The following ZCRB1 variants were observed in gnomAD, a reference collection of about 807,000 sequenced individuals.
ZCRB1 encodes the protein zinc finger CCHC-type and RNA binding motif containing 1, also known as zinc finger CCHC-type and RNA-binding motif-containing protein 1.
Under a neutral mutation model 29.9 loss-of-function variants are expected in ZCRB1, and 21 were observed. The observed-to-expected ratio is 0.70, with a 90% confidence interval of 0.50 to 1.01. ZCRB1 has a LOEUF of 1.01. Ranked by LOEUF, ZCRB1 falls within the 50% of genes least tolerant of loss-of-function variation. The pLI is 0.00. For synonymous variants in ZCRB1, 77 were observed against 80.0 expected (o/e 0.96, Z 0.20); for missense variants, 204 against 253.3 (o/e 0.81, Z 1.32).
chr12:42,319,233 A>C (rs1358533638), intron 3 of ZCRB1, among the ~76,000 whole-genome samples: 1 of 151,988 alleles, frequency 6.6e-6, no homozygotes, highest in East Asian at 1.9e-4. Flanking sequence ...TTTCTTGTCC[A>C]TAGGGGCATT....
At position 42,317,327 on chromosome 12, in the gene ZCRB1, T is replaced by C; in HGVS notation, c.333+13A>G. 1.3e-6 allele frequency: 2 copies of C among 1,574,580 alleles called. No homozygotes were observed. Among genetic ancestry groups the C allele is most frequent in the South Asian group, 2.3e-5 (2 of 85,952 alleles). On this transcript the variant is annotated intron_variant, in intron 5 of 7. Coordinates refer to ENST00000266529, the MANE Select transcript of ZCRB1 (RefSeq NM_033114.4). ...AACTATGGAAAGTTCCATTAAGTTT[T>C]AGGTTTACTTACCCCACATTCATAA...
At chr12:42,324,817 T>A (rs1592107186) in intron 1 of ZCRB1, among the ~76,000 whole-genome samples, 1 of 152,196 alleles carries the variant, frequency 6.6e-6, no homozygotes, top group East Asian at 1.9e-4. Context: ...AAAAAAATGC[T>A]CTATTGAATA....
At chr12:42,320,072 A>C (rs566573529) in intron 3 of ZCRB1, among the ~76,000 whole-genome samples, 35 of 152,272 alleles carry the variant, frequency 2.3e-4, no homozygotes, top group Non-Finnish European at 4.3e-4. Flanking sequence ...TAAAAGGACA[A>C]ATCTACTGTG....
At chr12:42,313,803 A>G in intron 6 of ZCRB1, 38 bp from the exon 7 acceptor site, 1 of 1,612,458 alleles carries the variant, frequency 6.2e-7, no homozygotes, top group South Asian at 1.1e-5. Flanking sequence ...GTAACCAACC[A>G]ATAATCAAAA....
At chr12:42,319,255 A>G (rs978354930) in intron 3 of ZCRB1, among the ~76,000 whole-genome samples, 1 of 152,070 alleles carries the variant, frequency 6.6e-6, no homozygotes, top group Admixed American at 6.5e-5. Flanking sequence ...CTGTTTTAAC[A>G]GTCTATTCTT....
At chr12:42,316,858 C>T (rs2068597079) in intron 5 of ZCRB1, among the ~76,000 whole-genome samples, 1 of 152,180 alleles carries the variant, frequency 6.6e-6, no homozygotes, top group South Asian at 2.1e-4. Flanking sequence ...TTACCCAACT[C>T]AGGTTATCTT....
intron 2 of ZCRB1, chr12:42,323,572 T>A (rs1395807297): frequency 6.5e-6 from 1 of 153,012 alleles, no homozygotes; most frequent in Admixed American, 6.5e-5. Flanking sequence ...CATCTTAGCA[T>A]CTCCTTAGTA....
chr12:42,322,375 T>C, intron 3 of ZCRB1, 43 bp downstream of exon 3: 3 of 1,430,336 alleles, frequency 2.1e-6, no homozygotes, highest in Non-Finnish European at 2.8e-6. Flanking sequence ...CAAATTCAGA[T>C]AAACTTTTAA....
At chr12:42,320,091 G>A (rs2068614272) in intron 3 of ZCRB1, among the ~76,000 whole-genome samples, 1 of 152,120 alleles carries the variant, frequency 6.6e-6, no homozygotes, top group African/African-American at 2.4e-5. Context: ...TGACTCCCAT[G>A]TTTCTGGCAA....
intron 3 of ZCRB1, among the ~76,000 whole-genome samples, chr12:42,318,859 T>C (rs749628896): frequency 1.3e-5 from 2 of 152,046 alleles, no homozygotes; most frequent in African/African-American, 2.4e-5. Flanking sequence ...CAAGGACAAT[T>C]TGAGCATCAA....
At position 42,319,405 on chromosome 12, in the gene ZCRB1, C is replaced by T. The variant is rs74385712; in HGVS notation, c.114-1507G>A. ...TGTAAGTTGCCTATTCTTTGTCCCA[C>T]TGTCAGTATCCTTGATGATTTGGCT... On this transcript the variant is annotated intron_variant, in intron 3 of 7. Coordinates refer to ENST00000266529, the MANE Select transcript of ZCRB1 (RefSeq NM_033114.4). 7.3e-3 allele frequency among the ~76,000 whole-genome samples: 1,109 copies of T among 152,270 alleles called. 12 individuals are homozygous for T. The highest frequency in any genetic ancestry group is 0.025 in the African/African-American group (1,057 of 41,548).
chr12:42,312,345 T>C lies in ZCRB1; in HGVS notation c.*722A>G, dbSNP rs2137525875. On this transcript the variant is annotated 3_prime_UTR_variant, in exon 8 of 8. Transcript: ENST00000266529. ...TACATGGAAAAAAAATAGACAATTATTAACTCTAGGAAAAAACGTAATCAT... is the reference window on the plus strand; with the variant it reads ...TACATGGAAAAAAAATAGACAATTACTAACTCTAGGAAAAAACGTAATCAT... 6.6e-6 allele frequency: 1 copy of C among 152,214 alleles called. No individual in the cohort carries two copies. Among genetic ancestry groups the C allele is most frequent in the Admixed American group, 6.5e-5 (1 of 15,288 alleles). 9.4% of individuals were successfully genotyped at this position (152,214 alleles called of 1,614,324 possible).
intron 3 of ZCRB1, among the ~76,000 whole-genome samples, chr12:42,321,527 A>G (rs1382219818): frequency 6.6e-6 from 1 of 152,254 alleles, no homozygotes; most frequent in Non-Finnish European, 1.5e-5. Context: ...CATCATCATT[A>G]CCAGTGTTTG....
intron 2 of ZCRB1, among the ~76,000 whole-genome samples, 173 bp from the exon 3 acceptor site, chr12:42,322,619 A>G (rs2068627452): frequency 6.6e-6 from 1 of 152,198 alleles, no homozygotes; most frequent in Non-Finnish European, 1.5e-5. Context: ...TAATATACTT[A>G]CTGTTGTTGG....
chr12:42,323,188 T>A (rs2068629946), intron 2 of ZCRB1, among the ~76,000 whole-genome samples: 1 of 152,178 alleles, frequency 6.6e-6, no homozygotes, highest in African/African-American at 2.4e-5. Context: ...GATTAAGCTG[T>A]ATAATGCTGG....
rs577643900 is a variant in ZCRB1 at position 42,315,033 on chromosome 12, T to G, written c.334-1047A>C. The stretch of plus-strand genomic sequence containing the variant: ...TGAATTACTTCCGTTTTTTCCCTTT[T>G]ATATCCTGACTACACTTGCACTATC... On this transcript the variant is annotated intron_variant, in intron 5 of 7. Coordinates refer to ENST00000266529, the MANE Select transcript of ZCRB1 (RefSeq NM_033114.4). Among the ~76,000 whole-genome samples the G allele has an allele frequency of 5.3e-5, 8 of 152,342 alleles. No individual in the cohort carries two copies. In the South Asian group the frequency reaches 1.7e-3, roughly 32 times the overall value.
rs563053686 is a variant in ZCRB1 at position 42,314,346 on chromosome 12, G to A, written c.334-360C>T. On this transcript the variant is annotated intron_variant, in intron 5 of 7. Coordinates refer to ENST00000266529, the MANE Select transcript of ZCRB1 (RefSeq NM_033114.4). Reference sequence around the variant, plus strand: ...AAGCCGAGGTGGGTGGATCACCTGAGGTCTGGAGTTTGAGACCAGACTAAC... The same window carrying A: ...AAGCCGAGGTGGGTGGATCACCTGAAGTCTGGAGTTTGAGACCAGACTAAC... 3.0e-3 allele frequency among the ~76,000 whole-genome samples: 417 copies of A among 137,424 alleles called. 1 individual carries two copies. The highest frequency in any genetic ancestry group is 0.011 in the African/African-American group (398 of 36,596). 90.2% of individuals were successfully genotyped at this position (137,424 alleles called of 152,430 possible).
chr12:42,318,048 T>C (rs951545698), intron 3 of ZCRB1, 150 bp from the exon 4 acceptor site: 2 of 619,582 alleles, frequency 3.2e-6, no homozygotes, highest in South Asian at 2.1e-5. Context: ...TCAAGGGATA[T>C]CAAGAATGGA....
At chr12:42,323,904 T>TA in intron 2 of ZCRB1, 115 bp downstream of exon 2, 1 of 953,132 alleles carries the variant, frequency 1.0e-6, no homozygotes, top group South Asian at 1.5e-5. Flanking sequence ...GTGACAGAAT[T>TA]AGACTGTCTC....
Sources: gnomAD v4.1 joint callset for allele counts (sites outside exome capture counted in the v4.1 genomes callset) on GRCh38, gnomAD v4.1.1 for gene constraint, MANE v1.5 for transcripts, NCBI Gene and HGNC (gene_info 2026-07-23, HGNC 2026-07-21) for gene names.